PTPRG: variants seen among roughly 807,000 people sequenced by gnomAD.
PTPRG encodes the protein protein tyrosine phosphatase receptor type G, also known as receptor-type tyrosine-protein phosphatase gamma.
Under a neutral mutation model 165.3 loss-of-function variants are expected in PTPRG, and 102 were observed. That is an observed-to-expected ratio of 0.62 (90% CI 0.53 to 0.73). The LOEUF (loss-of-function observed/expected upper bound fraction) is 0.73. PTPRG is among the 30% of genes least tolerant of loss of function. The pLI, the probability that PTPRG is intolerant of heterozygous loss-of-function variation, is 0.00. For missense variants in PTPRG, 1,866 were observed against 1,861.4 expected (o/e 1.00, Z -0.05); for synonymous variants, 675 against 669.5 (o/e 1.01, Z -0.13).
chr3:61,856,264 C>G (rs1290800302), intron 2 of PTPRG, among the ~76,000 whole-genome samples: 1 of 152,078 alleles, frequency 6.6e-6, no homozygotes, highest in Non-Finnish European at 1.5e-5. Flanking sequence ...ATTTTAATCA[C>G]TCCAAGTGGA....
chr3:61,655,509 G>A (rs1291418535), intron 1 of PTPRG, among the ~76,000 whole-genome samples: 1 of 152,188 alleles, frequency 6.6e-6, no homozygotes, highest in Non-Finnish European at 1.5e-5. Context: ...TCAAGAAGGA[G>A]TGGCAGTTAT....
At chr3:62,042,337 A>G (rs937011559) in intron 4 of PTPRG, among the ~76,000 whole-genome samples, 1 of 152,288 alleles carries the variant, frequency 6.6e-6, no homozygotes, top group South Asian at 2.1e-4. Flanking sequence ...GTGCCTTTGG[A>G]GTAAGTCCCT....
chr3:61,849,297 A>G (rs150376423), intron 2 of PTPRG, among the ~76,000 whole-genome samples: 1 of 152,178 alleles, frequency 6.6e-6, no homozygotes, highest in African/African-American at 2.4e-5. Flanking sequence ...ATAATGGTGG[A>G]TGGTTTGTTT....
chr3:61,568,736 T>C (rs28444975), intron 1 of PTPRG, among the ~76,000 whole-genome samples: 68,423 of 151,658 alleles, frequency 0.45, 15,709 homozygotes, highest in East Asian at 0.61. Context: ...AGTGAAACCC[T>C]GTCTCTTCTA....
At chr3:62,148,756 C>T (rs149664657) in intron 6 of PTPRG, among the ~76,000 whole-genome samples, 126 of 151,792 alleles carry the variant, frequency 8.3e-4, no homozygotes, top group African/African-American at 2.5e-3. Flanking sequence ...AGCGAGACTC[C>T]GTCTCCACAA....
At position 62,046,409 on chromosome 3, in the gene PTPRG, A is replaced by G. The variant is rs147842693; in HGVS notation, c.520-31754A>G. Among the ~76,000 whole-genome samples, 32 of 152,250 alleles carry G rather than the reference A, an allele frequency of 2.1e-4. 1 individual carries two copies. The highest frequency in any genetic ancestry group is 6.8e-3 in the Middle Eastern group (2 of 294). ...ACCTTTTCTTTCTTTAGAGAGGTCA[A>G]TAGCAGTATATAATGGAGGAATAAC... is the stretch of plus-strand genomic sequence containing the variant. On this transcript the variant is annotated intron_variant, in intron 4 of 29. Coordinates refer to ENST00000474889, the MANE Select transcript of PTPRG (RefSeq NM_002841.4).
At chr3:62,189,015 A>G (rs1457925818) in intron 8 of PTPRG, among the ~76,000 whole-genome samples, 1 of 152,010 alleles carries the variant, frequency 6.6e-6, no homozygotes, top group Non-Finnish European at 1.5e-5. Context: ...TAAAAACAGT[A>G]GGTTGGCGCC....
At chr3:62,216,262 C>T (rs1290843278) in intron 12 of PTPRG, among the ~76,000 whole-genome samples, 1 of 150,854 alleles carries the variant, frequency 6.6e-6, no homozygotes, top group Non-Finnish European at 1.5e-5. Context: ...GTGGTATTGC[C>T]AGTGATTGTT....
chr3:62,111,045 C>T (rs1459991887), intron 5 of PTPRG, among the ~76,000 whole-genome samples: 3 of 152,176 alleles, frequency 2.0e-5, no homozygotes, highest in Non-Finnish European at 4.4e-5. Context: ...GGAACCTTTA[C>T]ACAGCCAAGA....
intron 1 of PTPRG, among the ~76,000 whole-genome samples, chr3:61,653,665 GCCCTGCCATTTTCTCAGATGTGTTGTC>G (rs1397884326): frequency 6.6e-6 from 1 of 152,056 alleles, no homozygotes; most frequent in Non-Finnish European, 1.5e-5. Flanking sequence ...GATTCGTCGT[GCCCTGCCATTTTCTCAGATGTGTTGTC>G]CCCTGCCCTT....
rs1277199407 is a variant in PTPRG at position 62,203,842 on chromosome 3, G to A, written c.2047G>A (p.Glu683Lys). The change falls in exon 12 of 30, where the codon GAG becomes AAG. Residue 683 changes from glutamate (E) to lysine (K), a missense_variant. Transcript: ENST00000474889. This position sits in a 1 kb window ranked among gnomAD's most constrained non-coding sequence, Gnocchi z 6.4. Reference protein sequence around the residue: ...STQVPPTATEEQYAGSDPKRP... With the variant: ...STQVPPTATEKQYAGSDPKRP... ...CCAAGTGCCCCCCACCGCCACAGAG[G>A]AGCAGTATGCAGGGAGTGATCCCAA... 8.1e-6 allele frequency: 13 copies of A among 1,614,148 alleles called. No individual in the cohort carries two copies. Among genetic ancestry groups the A allele is most frequent in the Admixed American group, 1.7e-5 (1 of 60,028 alleles).
chr3:61,662,388 G>C (rs1702691200), intron 1 of PTPRG, among the ~76,000 whole-genome samples: 1 of 152,170 alleles, frequency 6.6e-6, no homozygotes, highest in African/African-American at 2.4e-5. Flanking sequence ...CCCACTGATA[G>C]CCATATAAGT....
At chr3:61,815,469 A>C (rs1439231630) in intron 2 of PTPRG, among the ~76,000 whole-genome samples, 1 of 152,184 alleles carries the variant, frequency 6.6e-6, no homozygotes, top group Non-Finnish European at 1.5e-5. Flanking sequence ...GATTGGCTTT[A>C]ACCCTGTTTC....
chr3:61,649,116 C>T (rs993344818), intron 1 of PTPRG, among the ~76,000 whole-genome samples: 2 of 147,166 alleles, frequency 1.4e-5, no homozygotes, highest in Non-Finnish European at 2.9e-5. Flanking sequence ...TATTTTACTT[C>T]CTCCCTCCCT....
At chr3:61,741,399 A>T (rs2032978223) in intron 1 of PTPRG, among the ~76,000 whole-genome samples, 1 of 152,142 alleles carries the variant, frequency 6.6e-6, no homozygotes, top group African/African-American at 2.4e-5. Context: ...CATCACCCTA[A>T]GTAGTTTTCA....
At chr3:62,007,030 A>G (rs893592814) in intron 4 of PTPRG, among the ~76,000 whole-genome samples, 2 of 152,184 alleles carry the variant, frequency 1.3e-5, no homozygotes, top group Admixed American at 1.3e-4. Flanking sequence ...ACCTTGCCTT[A>G]TGTGTAACAG....
chr3:62,037,086 C>T (rs926773816), intron 4 of PTPRG, among the ~76,000 whole-genome samples: 1 of 152,196 alleles, frequency 6.6e-6, no homozygotes, highest in Admixed American at 6.5e-5. Flanking sequence ...TCTAATCTCC[C>T]AATGGCTTTA....
intron 5 of PTPRG, among the ~76,000 whole-genome samples, chr3:62,099,783 A>G (rs897743548): frequency 8.8e-5 from 13 of 147,474 alleles, no homozygotes; most frequent in African/African-American, 1.5e-4. Context: ...ATAGTACTTA[A>G]GTGTTAAATC....
chr3:62,291,407 C>A (rs1209699653), intron 28 of PTPRG, among the ~76,000 whole-genome samples: 3 of 151,984 alleles, frequency 2.0e-5, no homozygotes, highest in Non-Finnish European at 4.4e-5. Flanking sequence ...AGAAGGTAAA[C>A]CTGGTATGCA....
Sources: allele counts gnomAD v4.1 joint callset (sites outside exome capture counted in the v4.1 genomes callset), GRCh38; gene constraint gnomAD v4.1.1; non-coding constraint Gnocchi (gnomAD v3.1); transcripts MANE v1.5; gene names NCBI Gene and HGNC (gene_info 2026-07-23, HGNC 2026-07-21).